Variants in SH3BGR observed in about 807,000 individuals in gnomAD.
The protein encoded by SH3BGR is SH3 domain-binding glutamic acid-rich protein.
Under a neutral mutation model 24.5 loss-of-function variants are expected in SH3BGR, and 29 were observed. The observed-to-expected ratio is 1.18, with a 90% CI of 0.88 to 1.61. SH3BGR has a LOEUF of 1.61. SH3BGR is among the 40% of genes most tolerant of loss of function. The pLI is 0.00. For synonymous variants in SH3BGR, 55 were observed against 65.7 expected, an observed-to-expected ratio of 0.84 and a Z score of 0.79; for missense variants, 162 against 205.8, an observed-to-expected ratio of 0.79 and a Z score of 1.30.
At chr21:39,480,973 C>T (rs925682923) in intron 3 of SH3BGR, among the ~76,000 whole-genome samples, 3 of 152,166 alleles carry the variant, frequency 2.0e-5, no homozygotes, top group Non-Finnish European at 4.4e-5. Flanking sequence ...AATTGTAAGG[C>T]CACTTTGTTC....
chr21:39,513,265 C>G (rs2078728090), intron 6 of SH3BGR, among the ~76,000 whole-genome samples: 1 of 152,116 alleles, frequency 6.6e-6, no homozygotes, highest in Non-Finnish European at 1.5e-5. Context: ...AGGCAGGTCT[C>G]TAGTTAAGAA....
chr21:39,508,237 C>G (rs1170669925), intron 4 of SH3BGR, among the ~76,000 whole-genome samples: 1 of 152,238 alleles, frequency 6.6e-6, no homozygotes, highest in East Asian at 1.9e-4. Context: ...AACCACATCT[C>G]TCTCTTTAAT....
intron 1 of SH3BGR, among the ~76,000 whole-genome samples, chr21:39,457,384 A>G (rs1163999576): frequency 2.1e-5 from 3 of 143,508 alleles, no homozygotes; most frequent in African/African-American, 5.0e-5. Flanking sequence ...ATTATTATAT[A>G]TTATATAGTT....
At chr21:39,453,567 G>A (rs558881597) in intron 1 of SH3BGR, among the ~76,000 whole-genome samples, 1 of 152,070 alleles carries the variant, frequency 6.6e-6, no homozygotes, top group Non-Finnish European at 1.5e-5. Context: ...GATTTTTAAG[G>A]TTTATTTGAT....
chr21:39,477,636 T>C (rs1481226283), intron 3 of SH3BGR, among the ~76,000 whole-genome samples: 1 of 152,180 alleles, frequency 6.6e-6, no homozygotes, highest in East Asian at 1.9e-4. Flanking sequence ...TCCAGATTAC[T>C]TTCTGGGAGG....
chr21:39,476,270 A>G (rs2078026494), intron 3 of SH3BGR, among the ~76,000 whole-genome samples: 1 of 152,166 alleles, frequency 6.6e-6, no homozygotes, highest in Non-Finnish European at 1.5e-5. Context: ...GAAGAGGGTG[A>G]TGTTAGTTGT....
In SH3BGR at chr21:39,490,739, ATT is replaced by A. The variant is rs55916184; in HGVS notation, c.313-9068_313-9067del. The stretch of plus-strand genomic sequence containing the variant: ...GACAGCATCTGATTGGGTTTTGTGC[ATT>A]TTTTTTTTTTTTTTTGAGACAGTCT... On this transcript the variant is annotated intron_variant, in intron 3 of 6. Transcript: ENST00000333634. 3.8e-3 allele frequency among the ~76,000 whole-genome samples: 536 copies of A among 140,246 alleles called. 5 individuals carry two copies. Among genetic ancestry groups the A allele is most frequent in the African/African-American group, 0.013 (483 of 37,638 alleles). 92.0% of individuals were successfully genotyped at this position (140,246 alleles called of 152,430 possible).
At chr21:39,462,204 C>A (rs1404832794) in intron 1 of SH3BGR, among the ~76,000 whole-genome samples, 171 bp from the exon 2 acceptor site, 1 of 152,064 alleles carries the variant, frequency 6.6e-6, no homozygotes, top group Non-Finnish European at 1.5e-5. Flanking sequence ...TTTAAATAGT[C>A]ATTTGGTTGA....
chr21:39,498,721 T>G (rs990978309), intron 3 of SH3BGR, among the ~76,000 whole-genome samples: 5 of 152,142 alleles, frequency 3.3e-5, no homozygotes, highest in African/African-American at 1.2e-4. Flanking sequence ...CCCATGCCCG[T>G]TTCCTCAAAA....
intron 1 of SH3BGR, chr21:39,446,240 G>A (rs1002759335): frequency 2.0e-5 from 3 of 150,818 alleles, no homozygotes; most frequent in Non-Finnish European, 2.9e-5. Flanking sequence ...ATTTAGAAAT[G>A]TACAGGCAAG....
chr21:39,493,003 G>A (rs1215087119), intron 3 of SH3BGR, among the ~76,000 whole-genome samples: 2 of 152,102 alleles, frequency 1.3e-5, no homozygotes, highest in African/African-American at 4.8e-5. Flanking sequence ...GTTCATTGTA[G>A]ATTCTGGATA....
chr21:39,460,283 G>A (rs2077733874), intron 1 of SH3BGR, among the ~76,000 whole-genome samples: 1 of 152,028 alleles, frequency 6.6e-6, no homozygotes, highest in South Asian at 2.1e-4. Flanking sequence ...CTCTGCTTGT[G>A]CCCTTCCCCT....
At chr21:39,487,882 A>G (rs931243290) in intron 3 of SH3BGR, among the ~76,000 whole-genome samples, 2 of 152,362 alleles carry the variant, frequency 1.3e-5, no homozygotes, top group African/African-American at 4.8e-5. Flanking sequence ...GACAGAGGAC[A>G]GGCGACTTCA....
intron 3 of SH3BGR, chr21:39,488,659 A>G (rs2078249715): frequency 5.3e-6 from 2 of 377,650 alleles, no homozygotes; most frequent in Non-Finnish European, 1.1e-5. Flanking sequence ...GGGCACCATC[A>G]TGGGCGCTGA....
intron 6 of SH3BGR, 89 bp from the exon 7 acceptor site, chr21:39,514,999 C>G (rs2078757405): frequency 2.5e-6 from 1 of 400,686 alleles, no homozygotes; most frequent in Non-Finnish European, 5.2e-6. Flanking sequence ...GCAACACTTT[C>G]CTTTATTGTA....
At chr21:39,471,152 C>T (rs570416374) in intron 2 of SH3BGR, among the ~76,000 whole-genome samples, 1 of 149,686 alleles carries the variant, frequency 6.7e-6, no homozygotes, top group Non-Finnish European at 1.5e-5. Flanking sequence ...CTTCTTCTTC[C>T]CCTCTCTCTG....
intron 3 of SH3BGR, among the ~76,000 whole-genome samples, chr21:39,493,707 G>A (rs576045046): frequency 1.3e-5 from 2 of 152,244 alleles, no homozygotes; most frequent in East Asian, 1.9e-4. Flanking sequence ...GCATTTGGCC[G>A]TGTGGTCATT....
intron 3 of SH3BGR, among the ~76,000 whole-genome samples, chr21:39,493,562 T>G (rs2078341152): frequency 6.6e-6 from 1 of 152,196 alleles, no homozygotes; most frequent in African/African-American, 2.4e-5. Flanking sequence ...GCCTCCAGAT[T>G]TGTTCTTTTT....
At chr21:39,470,386 G>C (rs2077918264) in intron 2 of SH3BGR, among the ~76,000 whole-genome samples, 1 of 151,984 alleles carries the variant, frequency 6.6e-6, no homozygotes, top group Non-Finnish European at 1.5e-5. Context: ...AGCCTCCTGA[G>C]TAGCTGGGAT....
Sources: allele counts gnomAD v4.1 joint callset (sites outside exome capture counted in the v4.1 genomes callset), GRCh38; gene constraint gnomAD v4.1.1; transcripts MANE v1.5; gene names NCBI Gene and HGNC (gene_info 2026-07-23, HGNC 2026-07-21).